The following THSD7B variants were observed in gnomAD, a reference collection of about 807,000 sequenced individuals.
The protein encoded by THSD7B is thrombospondin type-1 domain-containing protein 7B.
THSD7B carries 138 observed loss-of-function variants against 213.6 expected under a neutral mutation model. The observed-to-expected ratio is 0.65, with a 90% CI of 0.56 to 0.74. The LOEUF (loss-of-function observed/expected upper bound fraction) is 0.74, where lower values mean the gene tolerates loss of function less well. THSD7B is among the 30% of genes least tolerant of loss of function. THSD7B has a pLI of 0.00. For synonymous variants in THSD7B, 742 were observed against 687.0 expected, an observed-to-expected ratio of 1.08 and a Z score of -1.25; for missense variants, 1,931 against 1,991.5, an observed-to-expected ratio of 0.97 and a Z score of 0.58.
chr2:137,567,226 T>C (rs547416229), intron 16 of THSD7B, among the ~76,000 whole-genome samples: 9 of 151,972 alleles, frequency 5.9e-5, no homozygotes, highest in African/African-American at 1.9e-4. Context: ...TGGAGTGCAA[T>C]GGCGCAATCC....
intron 15 of THSD7B, among the ~76,000 whole-genome samples, chr2:137,544,162 A>G (rs1278707432): frequency 2.0e-5 from 3 of 151,804 alleles, no homozygotes; most frequent in Non-Finnish European, 4.4e-5. Context: ...AAACTTGCAT[A>G]TAAATGTTTA....
chr2:136,885,747 T>G (rs1190877195), intron 2 of THSD7B, among the ~76,000 whole-genome samples: 1 of 152,150 alleles, frequency 6.6e-6, no homozygotes, highest in African/African-American at 2.4e-5. Flanking sequence ...CAAGCATTGT[T>G]ACAAGTACAT....
At chr2:137,281,554 C>T (rs1683014438) in intron 12 of THSD7B, among the ~76,000 whole-genome samples, 1 of 150,762 alleles carries the variant, frequency 6.6e-6, no homozygotes, top group African/African-American at 2.4e-5. Flanking sequence ...GCTATCCCCC[C>T]ACCCCCACCC....
chr2:137,273,030 AC>A (rs1292669225), intron 11 of THSD7B, among the ~76,000 whole-genome samples: 1 of 13,754 alleles, frequency 7.3e-5, no homozygotes, highest in Non-Finnish European at 1.2e-4. Context: ...AGGAATACAC[AC>A]ACACACACAC....
intron 4 of THSD7B, among the ~76,000 whole-genome samples, chr2:137,103,237 A>G (rs1688183412): frequency 1.3e-5 from 2 of 151,828 alleles, no homozygotes; most frequent in Admixed American, 1.3e-4. Context: ...AATATTCAAC[A>G]TTTTTAAAAG....
At chr2:137,162,911 C>A (rs1284605397) in intron 6 of THSD7B, among the ~76,000 whole-genome samples, 1 of 152,170 alleles carries the variant, frequency 6.6e-6, no homozygotes, top group Non-Finnish European at 1.5e-5. Flanking sequence ...AGGCATGCGC[C>A]ACCATGTCTG....
chr2:137,269,837 A>C (rs1002583591), intron 10 of THSD7B, among the ~76,000 whole-genome samples: 1 of 152,168 alleles, frequency 6.6e-6, no homozygotes, highest in African/African-American at 2.4e-5. Flanking sequence ...TACATTTAAA[A>C]AGGGGCCAAT....
At chr2:137,440,142 A>G (rs1421355062) in intron 14 of THSD7B, among the ~76,000 whole-genome samples, 1 of 152,118 alleles carries the variant, frequency 6.6e-6, no homozygotes, top group African/African-American at 2.4e-5. Flanking sequence ...AAGTTAATCC[A>G]CCTAATTAAC....
chr2:136,890,324 T>TCTCCTTCTC (rs1558839816), intron 2 of THSD7B, among the ~76,000 whole-genome samples: 2 of 4,386 alleles, frequency 4.6e-4, no homozygotes, highest in African/African-American at 1.2e-3. Context: ...TTCTTCTTCT[T>TCTCCTTCTC]CTTCTTCTTC....
chr2:137,573,641 T>G (rs1219477069), intron 17 of THSD7B, among the ~76,000 whole-genome samples: 1 of 152,072 alleles, frequency 6.6e-6, no homozygotes, highest in Non-Finnish European at 1.5e-5. Flanking sequence ...AAATTAAAAT[T>G]TATTGACCAC....
chr2:136,943,157 G>T (rs1000559458), intron 2 of THSD7B, among the ~76,000 whole-genome samples: 2 of 152,108 alleles, frequency 1.3e-5, no homozygotes, highest in Admixed American at 1.3e-4. Flanking sequence ...TTTGTCATTG[G>T]TTCTGTTTAT....
chr2:137,283,803 G>A (rs1683098599), intron 12 of THSD7B, among the ~76,000 whole-genome samples: 1 of 152,114 alleles, frequency 6.6e-6, no homozygotes, highest in Non-Finnish European at 1.5e-5. Flanking sequence ...CGGTTTGCCA[G>A]TATTTTATTG....
chr2:137,375,837 C>T (rs1685641562), intron 12 of THSD7B, among the ~76,000 whole-genome samples: 1 of 152,164 alleles, frequency 6.6e-6, no homozygotes, highest in African/African-American at 2.4e-5. Context: ...AAAATAAATG[C>T]CTTCTTGACA....
intron 2 of THSD7B, among the ~76,000 whole-genome samples, chr2:136,909,072 A>C (rs1282038460): frequency 3.9e-5 from 6 of 152,124 alleles, no homozygotes; most frequent in African/African-American, 7.2e-5. Flanking sequence ...AGTCCCAGCT[A>C]CTAGGGAGGC....
At chr2:137,271,665 A>G (rs1029070979) in intron 10 of THSD7B, among the ~76,000 whole-genome samples, 1 of 151,678 alleles carries the variant, frequency 6.6e-6, no homozygotes. Context: ...CTCACACTGC[A>G]ATGTCTTCTA....
intron 2 of THSD7B, among the ~76,000 whole-genome samples, chr2:137,004,513 A>G (rs1398944078): frequency 1.3e-5 from 2 of 152,218 alleles, no homozygotes; most frequent in African/African-American, 2.4e-5. Context: ...AGGCAATGAA[A>G]TACAAAAATA....
chr2:137,188,586 C>T (rs977392274), intron 7 of THSD7B, among the ~76,000 whole-genome samples: 1 of 152,156 alleles, frequency 6.6e-6, no homozygotes, highest in Non-Finnish European at 1.5e-5. Context: ...CTCTGAAGAC[C>T]TGCTTAATTG....
intron 4 of THSD7B, among the ~76,000 whole-genome samples, chr2:137,095,559 G>A (rs977651280): frequency 1.3e-5 from 2 of 152,144 alleles, no homozygotes; most frequent in African/African-American, 2.4e-5. Context: ...AGTTATGTAG[G>A]TAAGGAGTGG....
chr2:137,620,877 A>G (rs763053521), intron 20 of THSD7B, among the ~76,000 whole-genome samples, 151 bp downstream of exon 20: 8 of 152,240 alleles, frequency 5.3e-5, no homozygotes, highest in Non-Finnish European at 1.2e-4. Flanking sequence ...GCCTGGCCTC[A>G]TATCAGTCCA....
Sources: gnomAD v4.1 joint callset for allele counts (sites outside exome capture counted in the v4.1 genomes callset) on GRCh38, gnomAD v4.1.1 for gene constraint, MANE v1.5 for transcripts, NCBI Gene and HGNC (gene_info 2026-07-23, HGNC 2026-07-21) for gene names.